Variants in DHX57 observed in about 807,000 individuals in gnomAD.
DHX57 encodes the protein putative ATP-dependent RNA helicase DHX57.
DHX57 carries 105 observed loss-of-function variants against 156.2 expected under a neutral mutation model. The observed-to-expected ratio is 0.67, with a 90% CI of 0.57 to 0.79. The LOEUF (loss-of-function observed/expected upper bound fraction) is 0.79, where lower values mean the gene tolerates loss of function less well. Ranked by LOEUF, DHX57 falls within the 30% of genes least tolerant of loss-of-function variation. The pLI is 0.00. For synonymous variants in DHX57, 704 were observed against 595.6 expected, an observed-to-expected ratio of 1.18 and a Z score of -2.65; for missense variants, 1,847 against 1,661.9, an observed-to-expected ratio of 1.11 and a Z score of -1.94.
At chr2:38,833,271 T>C (rs1034015941) in intron 13 of DHX57, among the ~76,000 whole-genome samples, 5 of 152,106 alleles carry the variant, frequency 3.3e-5, no homozygotes, top group African/African-American at 9.7e-5. Flanking sequence ...GCCTCCTGTG[T>C]AGCTGGGATT....
At chr2:38,846,918 C>T (rs1383309581) in intron 11 of DHX57, 101 bp downstream of exon 11, 1 of 941,368 alleles carries the variant, frequency 1.1e-6, no homozygotes, top group African/African-American at 1.7e-5. Context: ...TGAACTGGCC[C>T]CAAAAGATCC....
chr2:38,872,967 T>C (rs531587044), intron 1 of DHX57, among the ~76,000 whole-genome samples: 17 of 152,098 alleles, frequency 1.1e-4, no homozygotes, highest in Non-Finnish European at 1.5e-4. Flanking sequence ...TAGACCATAC[T>C]AGGTGATAAA....
chr2:38,862,259 T>C lies in DHX57; in HGVS notation c.458A>G (p.Gln153Arg), dbSNP rs759651476. 6 of 1,614,022 alleles carry C rather than the reference T, an allele frequency of 3.7e-6. No homozygotes were observed. Among genetic ancestry groups the C allele is most frequent in the Non-Finnish European group, 5.1e-6 (6 of 1,179,910 alleles). The change falls in exon 4 of 24, where the codon CAG becomes CGG. Residue 153 changes from glutamine to arginine, a missense_variant. Gln to Arg is a conservative substitution (Grantham distance 43). Transcript: ENST00000457308. ...CAAGTCGGGAACGAGGGAAGGTTCCTGTCCAGCTGGCCAGTACCGCTCATC... is the reference window on the plus strand; with the variant it reads ...CAAGTCGGGAACGAGGGAAGGTTCCCGTCCAGCTGGCCAGTACCGCTCATC... ...CNDERYWPAGQEPSLVPDLDP... is the reference protein window; with the variant it reads ...CNDERYWPAGREPSLVPDLDP...
Position 38,798,281 on chromosome 2 carries a change from ACTCT to A in DHX57, c.*14_*17del, listed in dbSNP as rs755900896. On this transcript the variant is annotated 3_prime_UTR_variant, in exon 24 of 24. Transcript: ENST00000457308. ...AGCTAGAAGCAGGTGAGTAGCAAGC[ACTCT>A]CTAAGACTGCTTTTTATTGTGTGGT... is the stretch of plus-strand genomic sequence containing the variant. The A allele has an allele frequency of 5.2e-5, 83 of 1,600,248 alleles. No homozygotes were observed. The highest frequency in any genetic ancestry group is 6.8e-5 in the Non-Finnish European group (80 of 1,175,124).
chr2:38,827,336 T>C (rs1166783324), intron 14 of DHX57, among the ~76,000 whole-genome samples: 2 of 150,204 alleles, frequency 1.3e-5, no homozygotes, highest in Admixed American at 6.6e-5. Context: ...CAAAGAATTA[T>C]TCTTCCTTTA....
In DHX57 at chr2:38,849,433, G is replaced by A. The variant is rs570705016; in HGVS notation, c.2031-1031C>T. Reference sequence around the variant, plus strand: ...CGAATGTCAGTCTGATTGTGCTGACGGGGTGCGGTGGCTCACACTTGTAAT... The same window carrying A: ...CGAATGTCAGTCTGATTGTGCTGACAGGGTGCGGTGGCTCACACTTGTAAT... On this transcript the variant is annotated intron_variant, in intron 9 of 23. Transcript: ENST00000457308. 4.6e-5 allele frequency among the ~76,000 whole-genome samples: 7 copies of A among 152,132 alleles called. No individual in the cohort carries two copies. The East Asian group carries it at 9.7e-4, about 21-fold the overall frequency.
chr2:38,839,819 A>T (rs1671887152), intron 12 of DHX57, among the ~76,000 whole-genome samples: 1 of 152,212 alleles, frequency 6.6e-6, no homozygotes, highest in Admixed American at 6.5e-5. Context: ...TGCACAAACA[A>T]GGGTGTGGTT....
intron 20 of DHX57, 121 bp from the exon 21 acceptor site, chr2:38,814,016 C>T (rs1290725628): frequency 2.0e-6 from 2 of 1,012,760 alleles, no homozygotes; most frequent in East Asian, 3.0e-5. Context: ...CAGCTTACTG[C>T]AACCTCCGCC....
intron 6 of DHX57, 100 bp from the exon 7 acceptor site, chr2:38,856,561 T>C (rs1050700507): frequency 6.4e-5 from 92 of 1,428,468 alleles, no homozygotes; most frequent in Non-Finnish European, 8.5e-5. Context: ...TGGAGTGCAG[T>C]GGTGCGATCA....
intron 6 of DHX57, chr2:38,856,806 A>T: frequency 5.8e-6 from 1 of 173,488 alleles, no homozygotes; most frequent in Non-Finnish European, 1.2e-5. Flanking sequence ...TTATAGAGAC[A>T]GAGTCTTGTT....
intron 8 of DHX57, chr2:38,854,672 C>T (rs1672790187): frequency 5.6e-6 from 1 of 178,706 alleles, no homozygotes. Context: ...AGGGATTCTC[C>T]TGCCTCAGAC....
chr2:38,855,934 C>T (rs1672873558), intron 7 of DHX57, among the ~76,000 whole-genome samples: 1 of 152,076 alleles, frequency 6.6e-6, no homozygotes, highest in Admixed American at 6.5e-5. Flanking sequence ...CCCCTCTCTA[C>T]TAAAAACACA....
At chr2:38,799,097 C>T (rs1669542313) in intron 23 of DHX57, among the ~76,000 whole-genome samples, 1 of 152,140 alleles carries the variant, frequency 6.6e-6, no homozygotes, top group African/African-American at 2.4e-5. Flanking sequence ...GGCCCGGTGG[C>T]TCACGCCTGT....
At chr2:38,811,262 T>TG in intron 21 of DHX57, 4 of 516,758 alleles carry the variant, frequency 7.7e-6, no homozygotes, top group Admixed American at 2.3e-5. Flanking sequence ...GACCTTAATC[T>TG]GGGGGGCCAG....
intron 2 of DHX57, chr2:38,867,029 G>C (rs915060537): frequency 2.0e-5 from 3 of 152,140 alleles, no homozygotes; most frequent in African/African-American, 4.8e-5. Context: ...CCCTACATAG[G>C]TATCATTTTT....
intron 11 of DHX57, among the ~76,000 whole-genome samples, chr2:38,843,535 T>C (rs1672121015): frequency 6.6e-6 from 1 of 152,246 alleles, no homozygotes; most frequent in Admixed American, 6.5e-5. Context: ...AGCAATCTTA[T>C]TGATCCTCTT....
At chr2:38,801,877 G>T (rs373340966) in intron 23 of DHX57, among the ~76,000 whole-genome samples, 2 of 152,106 alleles carry the variant, frequency 1.3e-5, no homozygotes, top group Non-Finnish European at 2.9e-5. Context: ...GATTACAGGC[G>T]TAAGCCACCG....
chr2:38,863,669 C>T lies in DHX57; in HGVS notation c.225-150G>A, dbSNP rs1664879132. On this transcript the variant is annotated intron_variant, in intron 2 of 23. Coordinates refer to ENST00000457308, the MANE Select transcript of DHX57 (RefSeq NM_198963.3). ...TGAATGTGAGGAGATTCTCCATTTT[C>T]TATAGTATTTACCAGACTTCATTAT... 1.2e-5 allele frequency: 9 copies of T among 772,794 alleles called. 1 individual carries two copies. In the South Asian group the frequency reaches 2.1e-4, roughly 18 times the overall value. The allele number at this position is 772,794 out of a possible 1,614,324, so 47.9% of individuals were successfully genotyped here.
intron 17 of DHX57, among the ~76,000 whole-genome samples, chr2:38,820,694 G>A (rs1189020924): frequency 6.6e-6 from 1 of 151,980 alleles, no homozygotes; most frequent in African/African-American, 2.4e-5. Flanking sequence ...TTAAGTCAGG[G>A]AGCTGGACTA....
Sources: gnomAD v4.1 joint callset for allele counts (sites outside exome capture counted in the v4.1 genomes callset) on GRCh38, gnomAD v4.1.1 for gene constraint, MANE v1.5 for transcripts, NCBI Gene and HGNC (gene_info 2026-07-23, HGNC 2026-07-21) for gene names.